The following PSD2 variants were observed in gnomAD, a reference collection of about 807,000 sequenced individuals.
PSD2 encodes pleckstrin and Sec7 domain containing 2.
Under a neutral mutation model 69.8 loss-of-function variants are expected in PSD2, and 38 were observed. That is an observed-to-expected ratio of 0.54 (90% CI 0.42 to 0.71). The LOEUF is 0.71. Ranked by LOEUF, PSD2 falls within the 30% of genes least tolerant of loss-of-function variation. The pLI is 0.00. For synonymous variants in PSD2, 412 were observed against 423.0 expected, an observed-to-expected ratio of 0.97 and a Z score of 0.32; for missense variants, 943 against 1,014.5, an observed-to-expected ratio of 0.93 and a Z score of 0.96.
chr5:139,803,459 A>G (rs544191981), intron 1 of PSD2, among the ~76,000 whole-genome samples: 2 of 152,338 alleles, frequency 1.3e-5, no homozygotes, highest in Non-Finnish European at 1.5e-5. Flanking sequence ...CACTGAACAC[A>G]TGCCATCTCC....
chr5:139,748,029 T>C, the PSD2 span, among the ~76,000 whole-genome samples: 1 of 152,130 alleles, frequency 6.6e-6, no homozygotes, highest in Non-Finnish European at 1.5e-5. Flanking sequence ...GAGGTCACCG[T>C]CACTGCGCCA....
intron 1 of PSD2, among the ~76,000 whole-genome samples, chr5:139,798,157 G>A (rs1759579861): frequency 6.6e-6 from 1 of 152,216 alleles, no homozygotes; most frequent in Admixed American, 6.5e-5. Flanking sequence ...ATACACTTAG[G>A]CTGTCGCCCC....
the PSD2 span, among the ~76,000 whole-genome samples, chr5:139,766,203 A>T: frequency 6.6e-6 from 1 of 152,284 alleles, no homozygotes; most frequent in East Asian, 1.9e-4. Flanking sequence ...GAAGTCTACA[A>T]TCTGAGCTGT....
chr5:139,807,504 C>A (rs1376850333), intron 1 of PSD2, among the ~76,000 whole-genome samples: 2 of 152,220 alleles, frequency 1.3e-5, no homozygotes. Flanking sequence ...AGTGCTCAAC[C>A]TCTAGAGGTC....
In PSD2 at chr5:139,838,693, C is replaced by A; in HGVS notation, c.1889C>A (p.Pro630Gln). The part of the protein sequence containing the change: ...INLVAAIFSA[P>Q]AFPAAVSSMK... ...CTGGTGGCAGCCATCTTCTCTGCCC[C>A]GGCCTTCCCAGCCGCTGTCAGCTCC... The change falls in exon 13 of 15, where the codon CCG becomes CAG. Residue 630 changes from proline to glutamine, a missense_variant. Pro to Gln is a moderately conservative substitution (Grantham distance 76, BLOSUM62 -1). Transcript: ENST00000274710. The A allele has an allele frequency of 6.2e-7, 1 of 1,614,006 alleles. No individual in the cohort carries two copies. Among genetic ancestry groups the A allele is most frequent in the Non-Finnish European group, 8.5e-7 (1 of 1,179,954 alleles).
chr5:139,766,935 TTCTTTCTTTC>T, the PSD2 span, among the ~76,000 whole-genome samples: 4 of 71,158 alleles, frequency 5.6e-5, no homozygotes, highest in African/African-American at 2.0e-4. Context: ...CTTCCCTTCT[TTCTTTCTTTC>T]TTTCTTTCTT....
chr5:139,755,986 G>A, the PSD2 span, among the ~76,000 whole-genome samples: 6 of 152,198 alleles, frequency 3.9e-5, no homozygotes, highest in Non-Finnish European at 7.3e-5. Context: ...GCCTATCCGT[G>A]TGGCTCTGTC....
the PSD2 span, among the ~76,000 whole-genome samples, chr5:139,758,374 A>T: frequency 6.6e-6 from 1 of 152,182 alleles, no homozygotes. Flanking sequence ...GGCCTGAAAG[A>T]ATAGTGCACA....
chr5:139,778,703 C>T, the PSD2 span, among the ~76,000 whole-genome samples: 35 of 151,824 alleles, frequency 2.3e-4, no homozygotes, highest in African/African-American at 5.1e-4. Context: ...GGCCAAGGAT[C>T]GCTTGAGCCC....
At chr5:139,753,958 T>C in the PSD2 span, among the ~76,000 whole-genome samples, 1 of 152,276 alleles carries the variant, frequency 6.6e-6, no homozygotes, top group South Asian at 2.1e-4. Flanking sequence ...TGCCTCAGCC[T>C]CCCAAATAGC....
chr5:139,811,227 T>G (rs1034726513), intron 2 of PSD2, among the ~76,000 whole-genome samples: 14 of 152,172 alleles, frequency 9.2e-5, no homozygotes, highest in African/African-American at 3.4e-4. Context: ...CCCCACTTTG[T>G]TCCTTGGCAA....
the PSD2 span, among the ~76,000 whole-genome samples, chr5:139,750,761 G>A: frequency 6.6e-6 from 1 of 152,158 alleles, no homozygotes; most frequent in Non-Finnish European, 1.5e-5. Context: ...AACCCTTGTG[G>A]GGCCTGGGTG....
intron 1 of PSD2, among the ~76,000 whole-genome samples, chr5:139,805,908 G>A (rs895501791): frequency 6.6e-6 from 1 of 152,130 alleles, no homozygotes; most frequent in African/African-American, 2.4e-5. Context: ...ATTATGAGGA[G>A]GGAGGAAGGA....
intron 14 of PSD2, among the ~76,000 whole-genome samples, chr5:139,841,763 C>A (rs1760876957): frequency 6.6e-6 from 1 of 152,188 alleles, no homozygotes; most frequent in Admixed American, 6.5e-5. Flanking sequence ...TGTTGAGCAT[C>A]TTTTCATGTG....
intron 3 of PSD2, 95 bp downstream of exon 3, chr5:139,813,853 G>A: frequency 2.8e-6 from 3 of 1,083,548 alleles, no homozygotes; most frequent in Middle Eastern, 3.0e-4. Context: ...AGTGTCCAGA[G>A]TCAGCATGCC....
At chr5:139,831,913 G>A (rs1331698566) in intron 7 of PSD2, among the ~76,000 whole-genome samples, 1 of 152,138 alleles carries the variant, frequency 6.6e-6, no homozygotes, top group Non-Finnish European at 1.5e-5. Flanking sequence ...GTCCTTGGTG[G>A]ACCCTGAACT....
chr5:139,779,534 G>A, the PSD2 span, among the ~76,000 whole-genome samples: 401 of 152,306 alleles, frequency 2.6e-3, 1 homozygote, highest in African/African-American at 9.4e-3. Context: ...CAATGCTTGT[G>A]TATGGTTCTT....
At chr5:139,781,898 T>A in the PSD2 span, among the ~76,000 whole-genome samples, 315 of 152,268 alleles carry the variant, frequency 2.1e-3, no homozygotes, top group African/African-American at 7.1e-3. Context: ...CCTCCCAAAA[T>A]GCTGGGATTA....
chr5:139,836,906 A>C lies in PSD2; in HGVS notation c.1499A>C (p.Asn500Thr). Residue 500 changes from asparagine (N) to threonine (T), a missense_variant, in exon 10 of 15, where the codon AAC becomes ACC. Physicochemically the swap from Asn to Thr is moderately conservative, Grantham distance 65. Around this residue, in one of 3 missense-constraint regions of PSD2, gnomAD observed 312 missense variants for 400.7 expected, o/e 0.78. Transcript: ENST00000274710. ...GTGACGCGAATCCTGGATGGTGGCAACCCCTTCCTGGATGTCCCACAGGCG... is the reference window on the plus strand; with the variant it reads ...GTGACGCGAATCCTGGATGGTGGCACCCCCTTCCTGGATGTCCCACAGGCG... ...KKVTRILDGG[N>T]PFLDVPQALS... The C allele has an allele frequency of 6.2e-7, 1 of 1,614,076 alleles. No individual in the cohort carries two copies. The highest frequency in any genetic ancestry group is 1.1e-5 in the South Asian group (1 of 91,076).
Sources: allele counts gnomAD v4.1 joint callset (sites outside exome capture counted in the v4.1 genomes callset), GRCh38; gene constraint gnomAD v4.1.1; regional missense constraint gnomAD v4.1.1; transcripts MANE v1.5; gene names NCBI Gene and HGNC (gene_info 2026-07-23, HGNC 2026-07-21).